The following CTNNA3 variants were observed in gnomAD, a reference collection of about 807,000 sequenced individuals.
CTNNA3 encodes the protein catenin alpha 3.
In CTNNA3, 76 loss-of-function variants were observed where a neutral mutation model predicts 95.7. That is an observed-to-expected ratio of 0.79 (90% CI 0.66 to 0.96). CTNNA3 has a LOEUF of 0.96. CTNNA3 is among the 40% of genes least tolerant of loss of function. The pLI, the probability that CTNNA3 is intolerant of heterozygous loss-of-function variation, is 0.00. For missense variants in CTNNA3, 1,191 were observed against 1,089.8 expected, an observed-to-expected ratio of 1.09 and a Z score of -1.31; for synonymous variants, 431 against 374.4, an observed-to-expected ratio of 1.15 and a Z score of -1.74.
chr10:67,404,947 A>T (rs541933898), intron 5 of CTNNA3, among the ~76,000 whole-genome samples: 1 of 152,338 alleles, frequency 6.6e-6, no homozygotes, highest in South Asian at 2.1e-4. Context: ...GCAGAATTAC[A>T]TATCTAGCCA....
intron 7 of CTNNA3, among the ~76,000 whole-genome samples, chr10:67,054,331 A>C (rs1855293456): frequency 2.6e-5 from 4 of 152,206 alleles, no homozygotes; most frequent in Non-Finnish European, 4.4e-5. Context: ...ACAAAAGCAG[A>C]GATGTGACCT....
intron 10 of CTNNA3, among the ~76,000 whole-genome samples, chr10:66,580,668 G>A (rs573817347): frequency 6.6e-6 from 1 of 151,850 alleles, no homozygotes; most frequent in African/African-American, 2.4e-5. Context: ...AAAGACTATG[G>A]ATCATATTTA....
chr10:67,377,875 C>A (rs1029549584), intron 5 of CTNNA3, among the ~76,000 whole-genome samples: 2 of 151,964 alleles, frequency 1.3e-5, no homozygotes, highest in Non-Finnish European at 2.9e-5. Context: ...ACTTATTCCT[C>A]CTATCTTGCT....
At chr10:67,359,523 T>C (rs752482921) in intron 5 of CTNNA3, among the ~76,000 whole-genome samples, 1 of 152,122 alleles carries the variant, frequency 6.6e-6, no homozygotes, top group African/African-American at 2.4e-5. Flanking sequence ...GACATAGTCA[T>C]TTTAAGAAAG....
intron 10 of CTNNA3, among the ~76,000 whole-genome samples, chr10:66,601,201 G>T (rs1403405223): frequency 6.6e-6 from 1 of 151,696 alleles, no homozygotes; most frequent in East Asian, 1.9e-4. Flanking sequence ...ACCATAGCAT[G>T]CCCAGAAGGT....
rs1847395360 is a variant in CTNNA3 at position 67,461,967 on chromosome 10, T to C, written c.579+59875A>G. ...CAACTCCAGAAAAGAAATGATTTTGTTTTTAATCACAGCTACTTATGTTTG... is the reference window on the plus strand; with the variant it reads ...CAACTCCAGAAAAGAAATGATTTTGCTTTTAATCACAGCTACTTATGTTTG... On this transcript the variant is annotated intron_variant, in intron 5 of 17. Coordinates refer to ENST00000433211, the MANE Select transcript of CTNNA3 (RefSeq NM_013266.4). Among the ~76,000 whole-genome samples the C allele has an allele frequency of 2.0e-5, 3 of 152,314 alleles. No individual in the cohort carries two copies. The South Asian group carries it at 6.2e-4, about 32-fold the overall frequency.
chr10:67,630,253 T>C (rs1839098167), intron 2 of CTNNA3, among the ~76,000 whole-genome samples: 1 of 152,190 alleles, frequency 6.6e-6, no homozygotes, highest in Non-Finnish European at 1.5e-5. Context: ...CAGGGCAGGA[T>C]CACATACCCA....
At chr10:66,304,337 T>C (rs2091903518) in intron 12 of CTNNA3, among the ~76,000 whole-genome samples, 1 of 152,196 alleles carries the variant, frequency 6.6e-6, no homozygotes, top group East Asian at 1.9e-4. Flanking sequence ...CAATTTGGTA[T>C]GACCTCGTAA....
intron 9 of CTNNA3, among the ~76,000 whole-genome samples, chr10:66,678,955 C>T (rs375555441): frequency 1.2e-4 from 18 of 152,236 alleles, no homozygotes; most frequent in African/African-American, 4.3e-4. Flanking sequence ...ACCACCAGGT[C>T]ATGAAGCTTC....
At chr10:65,925,338 T>C (rs912710066) in intron 17 of CTNNA3, among the ~76,000 whole-genome samples, 2 of 152,202 alleles carry the variant, frequency 1.3e-5, no homozygotes, top group Admixed American at 6.5e-5. Flanking sequence ...ACTTCTATCT[T>C]TCATTCTTAT....
intron 5 of CTNNA3, among the ~76,000 whole-genome samples, chr10:67,322,088 T>C (rs1589164266): frequency 6.7e-6 from 1 of 149,728 alleles, no homozygotes; most frequent in Non-Finnish European, 1.5e-5. Context: ...GGTTTCAGCA[T>C]GGGGAGAAAA....
chr10:66,942,072 A>C (rs1257262266), intron 7 of CTNNA3, among the ~76,000 whole-genome samples: 1 of 152,100 alleles, frequency 6.6e-6, no homozygotes, highest in African/African-American at 2.4e-5. Flanking sequence ...TCATCTGTAA[A>C]ATGGGAACAA....
intron 5 of CTNNA3, among the ~76,000 whole-genome samples, chr10:67,512,752 C>T (rs1306705370): frequency 2.6e-5 from 4 of 151,188 alleles, no homozygotes; most frequent in South Asian, 4.2e-4. Flanking sequence ...TTTGGGAGGC[C>T]GAGGCAGGCA....
At chr10:66,846,585 G>T (rs1057304187) in intron 7 of CTNNA3, among the ~76,000 whole-genome samples, 1 of 151,922 alleles carries the variant, frequency 6.6e-6, no homozygotes, top group African/African-American at 2.4e-5. Flanking sequence ...ATATGTGTGT[G>T]TGTGTGTGTA....
chr10:66,456,424 G>A (rs2093495527), intron 11 of CTNNA3, among the ~76,000 whole-genome samples: 1 of 152,138 alleles, frequency 6.6e-6, no homozygotes, highest in South Asian at 2.1e-4. Flanking sequence ...TGCAACAAAT[G>A]ATGTTGGAAA....
chr10:66,256,159 T>C (rs2090763402), intron 13 of CTNNA3, among the ~76,000 whole-genome samples: 1 of 152,128 alleles, frequency 6.6e-6, no homozygotes, highest in Admixed American at 6.5e-5. Flanking sequence ...ACCTGTTAAT[T>C]TTTCTAAATT....
At chr10:66,906,734 A>G (rs7100328) in intron 7 of CTNNA3, among the ~76,000 whole-genome samples, 13,410 of 152,078 alleles carry the variant, frequency 0.088, 741 homozygotes, top group African/African-American at 0.16. Context: ...CTAACTTTTT[A>G]AAGTAGAATG....
intron 13 of CTNNA3, among the ~76,000 whole-genome samples, chr10:66,248,455 A>C (rs10997011): frequency 0.21 from 32,458 of 151,866 alleles, 3,653 homozygotes; most frequent in South Asian, 0.29. Flanking sequence ...GGAGTAGAAG[A>C]ATAGATTTTA....
At chr10:66,579,045 T>A (rs993483520) in intron 10 of CTNNA3, among the ~76,000 whole-genome samples, 5 of 151,514 alleles carry the variant, frequency 3.3e-5, no homozygotes, top group Non-Finnish European at 1.5e-5. Context: ...TTCAGGATTT[T>A]AATTTCTTCC....
Sources: allele counts gnomAD v4.1 joint callset (sites outside exome capture counted in the v4.1 genomes callset), GRCh38; gene constraint gnomAD v4.1.1; transcripts MANE v1.5; gene names NCBI Gene and HGNC (gene_info 2026-07-23, HGNC 2026-07-21).